The following PCGF6 variants were observed in gnomAD, a reference collection of about 807,000 sequenced individuals.
PCGF6 encodes the protein polycomb group RING finger protein 6.
In PCGF6, 24 loss-of-function variants were observed where a neutral mutation model predicts 45.5. That is an observed-to-expected ratio of 0.53 (90% confidence interval 0.38 to 0.74). The LOEUF (loss-of-function observed/expected upper bound fraction) is 0.74. PCGF6 is among the 30% of genes least tolerant of loss of function. PCGF6 has a pLI of 0.00. For synonymous variants in PCGF6, 152 were observed against 162.1 expected (o/e 0.94, Z 0.47); for missense variants, 356 against 443.2 (o/e 0.80, Z 1.77).
chr10:103,338,240 C>G (rs1378721530), intron 6 of PCGF6, among the ~76,000 whole-genome samples: 1 of 151,048 alleles, frequency 6.6e-6, no homozygotes, highest in Non-Finnish European at 1.5e-5. Context: ...AACCCTGTCT[C>G]AAACAAACAA....
chr10:103,323,332 T>C (rs2093204689), intron 8 of PCGF6, among the ~76,000 whole-genome samples: 1 of 152,122 alleles, frequency 6.6e-6, no homozygotes, highest in Admixed American at 6.6e-5. Flanking sequence ...GTTTTGCTGT[T>C]GTTGCCCAGG....
chr10:103,316,009 T>TAGAG (rs1398812514), intron 8 of PCGF6, among the ~76,000 whole-genome samples: 91 of 127,380 alleles, frequency 7.1e-4, no homozygotes, highest in South Asian at 1.7e-3. Context: ...TATATATATA[T>TAGAG]ATATAGAGAG....
In PCGF6 at chr10:103,304,140, CT is replaced by C. The variant is rs34732054; in HGVS notation, c.997-180del. 1.0e-3 allele frequency among the ~76,000 whole-genome samples: 146 copies of C among 142,660 alleles called. No individual in the cohort carries two copies. In the Middle Eastern group the frequency reaches 0.014, roughly 14 times the overall value. 93.6% of individuals were successfully genotyped at this position (142,660 alleles called of 152,430 possible). On this transcript the variant is annotated intron_variant, in intron 9 of 9. Coordinates refer to ENST00000369847, the MANE Select transcript of PCGF6 (RefSeq NM_001011663.2). ...TCACCAAACACTCCTTGTGAATGTG[CT>C]TTTTTTTTTTTTTGAGACAGAGTCT...
chr10:103,322,148 G>T lies in PCGF6; in HGVS notation c.909+4386C>A, dbSNP rs546939403. On this transcript the variant is annotated intron_variant, in intron 8 of 9. Transcript: ENST00000369847. Reference sequence around the variant, plus strand: ...TGACCTCAGGTGATCCACCCACCTCGGCCTCTGAAAGTGCTGGGATTACAG... The same window carrying T: ...TGACCTCAGGTGATCCACCCACCTCTGCCTCTGAAAGTGCTGGGATTACAG... Among the ~76,000 whole-genome samples the T allele has an allele frequency of 2.0e-5, 3 of 152,126 alleles. No homozygotes were observed. The East Asian group carries it at 5.8e-4, about 30-fold the overall frequency.
intron 5 of PCGF6, among the ~76,000 whole-genome samples, chr10:103,345,828 C>CA (rs542683602): frequency 1.2e-3 from 146 of 123,156 alleles, no homozygotes; most frequent in East Asian, 5.7e-3. Context: ...AACTCTGTCT[C>CA]AAAAAAAAAA....
chr10:103,339,761 C>A (rs1288750533), intron 6 of PCGF6, among the ~76,000 whole-genome samples: 2 of 149,050 alleles, frequency 1.3e-5, no homozygotes, highest in Admixed American at 1.4e-4. Flanking sequence ...CGCGCCACTG[C>A]CCTCCAGCCT....
chr10:103,332,213 T>A (rs911045006), intron 7 of PCGF6, among the ~76,000 whole-genome samples: 2 of 152,192 alleles, frequency 1.3e-5, no homozygotes, highest in Admixed American at 1.3e-4. Flanking sequence ...TGTTTTTTCA[T>A]GTGTAAGAAC....
At chr10:103,304,828 A>G (rs2093132403) in intron 9 of PCGF6, among the ~76,000 whole-genome samples, 1 of 151,846 alleles carries the variant, frequency 6.6e-6, no homozygotes, top group African/African-American at 2.4e-5. Flanking sequence ...TCATTTTTGT[A>G]TTTTTTGTAG....
intron 9 of PCGF6, among the ~76,000 whole-genome samples, chr10:103,306,642 C>A (rs1444327047): frequency 1.3e-5 from 2 of 152,144 alleles, no homozygotes; most frequent in African/African-American, 4.8e-5. Flanking sequence ...GTGTTCCTGG[C>A]AATTACAGTA....
At chr10:103,316,211 CTT>C (rs907059385) in intron 8 of PCGF6, among the ~76,000 whole-genome samples, 14 of 152,048 alleles carry the variant, frequency 9.2e-5, no homozygotes, top group African/African-American at 3.1e-4. Flanking sequence ...CTTCCTATCT[CTT>C]GAATTCATAT....
intron 7 of PCGF6, among the ~76,000 whole-genome samples, chr10:103,329,043 CGG>C (rs1554863784): frequency 7.2e-6 from 1 of 138,978 alleles, no homozygotes; most frequent in African/African-American, 2.7e-5. Context: ...CTGCGCCCGG[CGG>C]ATTTTAACTT....
chr10:103,340,076 C>T (rs1299090728), intron 6 of PCGF6, among the ~76,000 whole-genome samples: 1 of 144,076 alleles, frequency 6.9e-6, no homozygotes, highest in East Asian at 2.0e-4. Flanking sequence ...ACTTCAGAGG[C>T]TGAGGTAGGA....
chr10:103,337,452 A>T (rs1471145161), intron 6 of PCGF6, among the ~76,000 whole-genome samples: 2 of 152,224 alleles, frequency 1.3e-5, no homozygotes. Flanking sequence ...TGTAACCTCC[A>T]GTTTAGAAAT....
chr10:103,316,307 C>T (rs1441338098), intron 8 of PCGF6, among the ~76,000 whole-genome samples: 1 of 152,066 alleles, frequency 6.6e-6, no homozygotes, highest in Non-Finnish European at 1.5e-5. Context: ...CTGTTTACTC[C>T]AATAAATTTT....
intron 8 of PCGF6, among the ~76,000 whole-genome samples, chr10:103,318,730 C>G (rs906609333): frequency 2.7e-5 from 4 of 148,972 alleles, no homozygotes; most frequent in African/African-American, 9.9e-5. Flanking sequence ...GGCGACAGAG[C>G]GAGACTCTGT....
intron 6 of PCGF6, among the ~76,000 whole-genome samples, chr10:103,344,034 C>A (rs2093290778): frequency 6.6e-6 from 1 of 151,742 alleles, no homozygotes; most frequent in Admixed American, 6.6e-5. Flanking sequence ...AACCTGGAAA[C>A]AAACCTAAAT....
chr10:103,310,999 C>T (rs1436062321), intron 9 of PCGF6, among the ~76,000 whole-genome samples: 2 of 152,118 alleles, frequency 1.3e-5, no homozygotes, highest in Admixed American at 6.6e-5. Context: ...ACCATGTCTG[C>T]TAATTTTTCT....
chr10:103,332,907 G>C (rs1448754655), intron 7 of PCGF6, among the ~76,000 whole-genome samples: 1 of 152,068 alleles, frequency 6.6e-6, no homozygotes, highest in Non-Finnish European at 1.5e-5. Context: ...CGGAGGTCAG[G>C]AGTTTGAGAA....
At chr10:103,318,621 T>C (rs1216811692) in intron 8 of PCGF6, among the ~76,000 whole-genome samples, 2 of 151,630 alleles carry the variant, frequency 1.3e-5, no homozygotes, top group Non-Finnish European at 2.9e-5. Flanking sequence ...GGCGGTCGCC[T>C]GTAATCCCAG....
Sources: allele counts gnomAD v4.1 joint callset (sites outside exome capture counted in the v4.1 genomes callset), GRCh38; gene constraint gnomAD v4.1.1; transcripts MANE v1.5; gene names NCBI Gene and HGNC (gene_info 2026-07-23, HGNC 2026-07-21).